PHF14: variants seen among roughly 807,000 people sequenced by gnomAD.
PHF14 encodes PHD finger protein 14.
A neutral mutation model predicts 117.9 loss-of-function variants in PHF14; 55 were observed. That is an observed-to-expected ratio of 0.47 (90% CI 0.38 to 0.58). PHF14 has a LOEUF of 0.58. Ranked by LOEUF, PHF14 falls within the 20% of genes least tolerant of loss-of-function variation. The pLI is 0.00. For synonymous variants in PHF14, 409 were observed against 368.6 expected (o/e 1.11, Z -1.26); for missense variants, 978 against 1,122.2 (o/e 0.87, Z 1.84).
intron 7 of PHF14, 127 bp downstream of exon 7, chr7:11,028,945 C>G (rs997853105): frequency 2.5e-6 from 2 of 785,504 alleles, no homozygotes; most frequent in African/African-American, 1.8e-5. Flanking sequence ...GCCAAGATCA[C>G]TGTTCTAAAA....
intron 2 of PHF14, among the ~76,000 whole-genome samples, chr7:10,977,704 A>G (rs765453653): frequency 2.4e-4 from 36 of 152,188 alleles, no homozygotes; most frequent in Non-Finnish European, 4.0e-4. Flanking sequence ...AAGTCCTAAA[A>G]TAGGATATAT....
At chr7:11,116,722 C>G (rs755749294) in intron 17 of PHF14, among the ~76,000 whole-genome samples, 1 of 151,852 alleles carries the variant, frequency 6.6e-6, no homozygotes, top group Non-Finnish European at 1.5e-5. Context: ...GTATTTTTTA[C>G]AAGTTCCACA....
intron 16 of PHF14, among the ~76,000 whole-genome samples, chr7:11,089,463 G>C (rs956100677): frequency 6.6e-6 from 1 of 152,142 alleles, no homozygotes. Context: ...GGCAGAGGTG[G>C]GAGGATGGCT....
chr7:11,151,856 A>G (rs1185714973), intron 17 of PHF14, among the ~76,000 whole-genome samples: 3 of 152,160 alleles, frequency 2.0e-5, no homozygotes, highest in Non-Finnish European at 4.4e-5. Context: ...AGACATAAGA[A>G]CAGTCATTCC....
chr7:11,062,655 A>T (rs896666547), intron 16 of PHF14: 2 of 964,638 alleles, frequency 2.1e-6, no homozygotes, highest in Non-Finnish European at 2.5e-6. Flanking sequence ...TTGGTACTTT[A>T]TTTTTTTTTA....
chr7:11,063,268 G>A, intron 16 of PHF14: 1 of 984,826 alleles, frequency 1.0e-6, no homozygotes, highest in Non-Finnish European at 1.2e-6. Flanking sequence ...TGAAGGTTAA[G>A]TTTATTAAAA....
intron 16 of PHF14, among the ~76,000 whole-genome samples, chr7:11,075,362 G>T (rs902823517): frequency 6.6e-6 from 1 of 152,098 alleles, no homozygotes; most frequent in Non-Finnish European, 1.5e-5. Flanking sequence ...TTTGGCCCAC[G>T]GATCTGCCGG....
chr7:11,097,094 C>G (rs989201182), intron 16 of PHF14, among the ~76,000 whole-genome samples: 8 of 151,256 alleles, frequency 5.3e-5, no homozygotes, highest in African/African-American at 1.9e-4. Flanking sequence ...ATTCTCGTGC[C>G]TCAGCCTCCC....
At chr7:11,030,926 G>A (rs1282073047) in intron 7 of PHF14, among the ~76,000 whole-genome samples, 3 of 152,256 alleles carry the variant, frequency 2.0e-5, no homozygotes, top group East Asian at 3.9e-4. Context: ...AATATTGCAT[G>A]AATCAATATT....
At chr7:11,034,999 A>G (rs1784265185) in intron 7 of PHF14, among the ~76,000 whole-genome samples, 1 of 152,182 alleles carries the variant, frequency 6.6e-6, no homozygotes, top group Non-Finnish European at 1.5e-5. Context: ...ACTTAAGATT[A>G]TTAAAATCCT....
In PHF14 at chr7:11,146,236, A is replaced by G. The variant is rs1277065589; in HGVS notation, c.2773-23180A>G. ...AAGACTTTACTTTTGAAAATATGCCACAGGAATATCAGATGGGATATATCT... is the reference window on the plus strand; with the variant it reads ...AAGACTTTACTTTTGAAAATATGCCGCAGGAATATCAGATGGGATATATCT... On this transcript the variant is annotated intron_variant, in intron 17 of 17. Transcript: ENST00000634607. Among the ~76,000 whole-genome samples the G allele has an allele frequency of 2.0e-5, 3 of 152,274 alleles. No individual in the cohort carries two copies. In the South Asian group the frequency reaches 6.2e-4, roughly 32 times the overall value.
intron 17 of PHF14, among the ~76,000 whole-genome samples, chr7:11,127,235 T>C (rs887545504): frequency 7.3e-6 from 1 of 137,514 alleles, no homozygotes; most frequent in Non-Finnish European, 1.5e-5. Flanking sequence ...ATTTTGATTC[T>C]TGCCCCTCCT....
intron 3 of PHF14, among the ~76,000 whole-genome samples, chr7:10,985,648 T>G (rs1449814350): frequency 8.0e-6 from 1 of 124,712 alleles, no homozygotes; most frequent in East Asian, 2.3e-4. Flanking sequence ...GTTTTTTTTT[T>G]TTTTTTTTTT....
intron 16 of PHF14, chr7:11,106,391 G>A: frequency 1.0e-6 from 1 of 969,346 alleles, no homozygotes; most frequent in Non-Finnish European, 1.2e-6. Flanking sequence ...TTATATTTGT[G>A]AAATGATTAA....
chr7:11,081,026 A>G (rs1562455903), intron 16 of PHF14, among the ~76,000 whole-genome samples: 3 of 152,184 alleles, frequency 2.0e-5, no homozygotes, highest in African/African-American at 7.2e-5. Flanking sequence ...AGCCATTTAT[A>G]CCACAAAAGC....
intron 16 of PHF14, among the ~76,000 whole-genome samples, chr7:11,069,856 A>AT (rs199939290): frequency 2.8e-4 from 40 of 144,074 alleles, no homozygotes; most frequent in East Asian, 6.6e-4. Context: ...TTATTTATTT[A>AT]TTTATTTTTT....
At chr7:10,988,027 A>AG (rs1444885405) in intron 3 of PHF14, among the ~76,000 whole-genome samples, 1 of 151,456 alleles carries the variant, frequency 6.6e-6, no homozygotes, top group African/African-American at 2.4e-5. Flanking sequence ...AAAAAAAAAA[A>AG]AAAAAGAAAA....
At chr7:11,074,788 T>C (rs1215470138) in intron 16 of PHF14, among the ~76,000 whole-genome samples, 1 of 152,156 alleles carries the variant, frequency 6.6e-6, no homozygotes, top group Non-Finnish European at 1.5e-5. Context: ...TTGGTGTCAA[T>C]TGCTATCAGC....
At chr7:11,102,362 C>G (rs900153020) in intron 16 of PHF14, 1 of 1,007,234 alleles carries the variant, frequency 9.9e-7, no homozygotes, top group African/African-American at 1.6e-5. Flanking sequence ...GTATCTATCT[C>G]TTTGGACCAG....
Sources: allele counts gnomAD v4.1 joint callset (sites outside exome capture counted in the v4.1 genomes callset), GRCh38; gene constraint gnomAD v4.1.1; transcripts MANE v1.5; gene names NCBI Gene and HGNC (gene_info 2026-07-23, HGNC 2026-07-21).